GPHN: variants seen among roughly 807,000 people sequenced by gnomAD.
GPHN encodes the protein gephyrin.
Under a neutral mutation model 95.5 loss-of-function variants are expected in GPHN, and 17 were observed. The observed-to-expected ratio is 0.18, with a 90% confidence interval of 0.12 to 0.27. GPHN has a LOEUF of 0.27. Ranked by LOEUF, GPHN falls within the 10% of genes least tolerant of loss-of-function variation. The pLI is 1.00. For synonymous variants in GPHN, 320 were observed against 322.5 expected (o/e 0.99, Z 0.08); for missense variants, 660 against 978.1 (o/e 0.67, Z 4.34).
chr14:67,184,535 A>T (rs942133162), downstream of GPHN, among the ~76,000 whole-genome samples: 5 of 152,204 alleles, frequency 3.3e-5, no homozygotes, highest in Admixed American at 3.3e-4. Flanking sequence ...TCTGATTTCA[A>T]GTTTTGGAAA....
At chr14:67,650,317 C>G in the GPHN span, 1 of 245,334 alleles carries the variant, frequency 4.1e-6, no homozygotes, top group Non-Finnish European at 8.0e-6. Context: ...TGCCTTCATA[C>G]TTGATTCATT....
chr14:66,726,141 T>A (rs1175922877), intron 2 of GPHN, among the ~76,000 whole-genome samples: 2 of 152,192 alleles, frequency 1.3e-5, no homozygotes, highest in Non-Finnish European at 2.9e-5. Flanking sequence ...AAGTAAACAC[T>A]TTTTTGCAAG....
the GPHN span, among the ~76,000 whole-genome samples, chr14:67,311,512 T>G: frequency 6.6e-6 from 1 of 152,162 alleles, no homozygotes; most frequent in Non-Finnish European, 1.5e-5. Context: ...ATGAAGTAGA[T>G]TTCTTATAGA....
intron 2 of GPHN, among the ~76,000 whole-genome samples, chr14:66,738,331 G>A (rs1191457529): frequency 6.6e-6 from 1 of 152,108 alleles, no homozygotes; most frequent in East Asian, 1.9e-4. Context: ...CATAAGAACA[G>A]TCTGTTGTCA....
intron 1 of GPHN, among the ~76,000 whole-genome samples, chr14:66,640,726 C>T (rs1280822972): frequency 2.0e-5 from 3 of 152,120 alleles, no homozygotes; most frequent in Non-Finnish European, 2.9e-5. Flanking sequence ...TGAGGCTTTC[C>T]TTCCAAGTAG....
chr14:67,268,608 C>T, the GPHN span, among the ~76,000 whole-genome samples: 1 of 152,204 alleles, frequency 6.6e-6, no homozygotes, highest in East Asian at 1.9e-4. Context: ...GACTTCCTAA[C>T]GTTGCCATGG....
the GPHN span, among the ~76,000 whole-genome samples, chr14:67,191,730 A>G: frequency 6.6e-6 from 1 of 152,238 alleles, no homozygotes; most frequent in Non-Finnish European, 1.5e-5. Context: ...TGGAACGTCT[A>G]GAGAGCAGCT....
the GPHN span, among the ~76,000 whole-genome samples, chr14:67,598,448 G>T: frequency 5.3e-5 from 8 of 152,150 alleles, no homozygotes; most frequent in Non-Finnish European, 1.0e-4. Context: ...GCCCAGATCT[G>T]CCATTTACTG....
intron 4 of GPHN, among the ~76,000 whole-genome samples, chr14:66,832,877 G>A (rs1380424794): frequency 6.6e-6 from 1 of 152,246 alleles, no homozygotes; most frequent in Middle Eastern, 3.4e-3. Flanking sequence ...AAAATTGAAT[G>A]GGATTTAGGT....
the GPHN span, among the ~76,000 whole-genome samples, chr14:67,229,578 C>T: frequency 5.0e-3 from 762 of 152,116 alleles, 19 homozygotes; most frequent in East Asian, 0.064. Context: ...TTTTTCACTT[C>T]AACTGTTGAA....
chr14:67,661,145 A>G, the GPHN span, among the ~76,000 whole-genome samples: 2 of 152,088 alleles, frequency 1.3e-5, no homozygotes, highest in African/African-American at 4.8e-5. Flanking sequence ...GCTCTCGGGT[A>G]GCAAATACAG....
At chr14:67,202,185 A>T in the GPHN span, among the ~76,000 whole-genome samples, 2 of 152,248 alleles carry the variant, frequency 1.3e-5, no homozygotes, top group African/African-American at 4.8e-5. Context: ...TCACGCCTGT[A>T]ATCCCAGCAC....
intron 18 of GPHN, among the ~76,000 whole-genome samples, chr14:67,147,517 T>C (rs892468600): frequency 6.6e-6 from 1 of 151,930 alleles, no homozygotes; most frequent in Non-Finnish European, 1.5e-5. Flanking sequence ...TTGTTTTGTT[T>C]TGTTTTGTTT....
the GPHN span, among the ~76,000 whole-genome samples, chr14:67,475,290 T>C: frequency 6.6e-6 from 1 of 152,250 alleles, no homozygotes. Context: ...CATTCATCCA[T>C]TGATGGACAC....
intron 2 of GPHN, among the ~76,000 whole-genome samples, chr14:66,749,883 T>C (rs1018694463): frequency 3.8e-4 from 57 of 151,828 alleles, no homozygotes; most frequent in Non-Finnish European, 6.3e-4. Flanking sequence ...GGTCTGTGTA[T>C]TTGTAGGATT....
the GPHN span, chr14:67,447,458 T>C: frequency 6.6e-6 from 1 of 152,104 alleles, no homozygotes; most frequent in Admixed American, 6.6e-5. Context: ...GATGAAAGAT[T>C]ATTATTTAGC....
the GPHN span, among the ~76,000 whole-genome samples, chr14:67,246,276 G>A: frequency 2.6e-5 from 4 of 151,734 alleles, no homozygotes; most frequent in African/African-American, 9.7e-5. Flanking sequence ...CCACAGGCGT[G>A]CCACCGCACT....
the GPHN span, among the ~76,000 whole-genome samples, chr14:67,539,273 T>C: frequency 9.9e-5 from 15 of 152,146 alleles, no homozygotes; most frequent in Admixed American, 9.8e-4. Context: ...GAGAAGGTCA[T>C]GTTTTGTTTT....
chr14:67,583,469 G>A, the GPHN span, among the ~76,000 whole-genome samples: 4 of 152,014 alleles, frequency 2.6e-5, no homozygotes, highest in African/African-American at 9.7e-5. Context: ...TTCCCTTGTC[G>A]GCTACCAATT....
Sources: allele counts gnomAD v4.1 joint callset (sites outside exome capture counted in the v4.1 genomes callset), GRCh38; gene constraint gnomAD v4.1.1; transcripts MANE v1.5; gene names NCBI Gene and HGNC (gene_info 2026-07-23, HGNC 2026-07-21).